FAAH2: variants seen among roughly 807,000 people sequenced by gnomAD.
The protein encoded by FAAH2 is fatty-acid amide hydrolase 2.
A neutral mutation model predicts 36.9 loss-of-function variants in FAAH2; 60 were observed. That is an observed-to-expected ratio of 1.63 (90% CI 1.32 to 2.02). The LOEUF is 2.02. Among genes scored for constraint, FAAH2 ranks in the 30% most tolerant of loss-of-function variants. The pLI is 0.00. For missense variants in FAAH2, 689 were observed against 397.5 expected, an observed-to-expected ratio of 1.73 and a Z score of -6.23; for synonymous variants, 214 against 143.8, an observed-to-expected ratio of 1.49 and a Z score of -3.49.
intron 10 of FAAH2, among the ~76,000 whole-genome samples, chrX:57,466,128 A>ATCTCTC (rs66516710): frequency 3.6e-3 from 253 of 70,791 alleles, no homozygotes; most frequent in African/African-American, 0.011. Context: ...TTGTTGGATT[A>ATCTCTC]TCTCTCTCTC....
intron 8 of FAAH2, among the ~76,000 whole-genome samples, chrX:57,444,316 C>T (rs891643114): frequency 6.3e-5 from 7 of 111,946 alleles, no homozygotes; most frequent in Non-Finnish European, 1.1e-4. Context: ...TGGCGGATGC[C>T]CCTCCCCCAG....
rs763470318 is a variant in FAAH2 at position 57,464,389 on chromosome X, A to G, written c.1423+15671A>G. On this transcript the variant is annotated intron_variant, in intron 10 of 10. Transcript: ENST00000374900. ...GTATACCTATGTAACAAACCTGCAC[A>G]TTCATCACATGCATCCCAGAACTTA... 8.1e-5 allele frequency among the ~76,000 whole-genome samples: 9 copies of G among 110,808 alleles called. No homozygotes were observed. The South Asian group carries it at 2.7e-3, about 33-fold the overall frequency.
At chrX:57,381,412 A>C (rs1255081450) in intron 7 of FAAH2, 1 of 204,508 alleles carries the variant, frequency 4.9e-6, no homozygotes, top group East Asian at 2.5e-4. Flanking sequence ...ATACTTTTAT[A>C]ATCAGATGAA....
chrX:57,352,067 CACATATATATAT>C (rs2054024295), intron 5 of FAAH2, among the ~76,000 whole-genome samples: 9 of 6,823 alleles, frequency 1.3e-3, no homozygotes, highest in African/African-American at 2.8e-4. Context: ...TATATATATA[CACATATATATAT>C]GTGTATATAT....
intron 10 of FAAH2, among the ~76,000 whole-genome samples, chrX:57,464,796 A>G (rs1253270046): frequency 9.0e-6 from 1 of 111,514 alleles, no homozygotes; most frequent in Admixed American, 9.6e-5. Context: ...GCATCATACA[A>G]TTTACTCAAG....
rs891680632 is a variant in FAAH2 at position 57,388,085 on chromosome X, A to T, written c.996+7056A>T. On this transcript the variant is annotated intron_variant, in intron 7 of 10. Transcript: ENST00000374900. ...ATGTTAAGGTTCTCCTGTCAGAATA[A>T]ATAGCCAAGAAGAAATGAAAACTTT... Among the ~76,000 whole-genome samples, 3 of 111,685 alleles carry T rather than the reference A, an allele frequency of 2.7e-5. No homozygotes were observed. The Admixed American group carries it at 2.9e-4, about 11-fold the overall frequency.
chrX:57,329,038 A>G (rs1223534653), intron 3 of FAAH2, among the ~76,000 whole-genome samples: 1 of 112,043 alleles, frequency 8.9e-6, no homozygotes, highest in African/African-American at 3.2e-5. Context: ...GGGCTCTGGC[A>G]GCAGTATCTG....
At chrX:57,379,530 C>T (rs889119384) in intron 6 of FAAH2, among the ~76,000 whole-genome samples, 2 of 82,089 alleles carry the variant, frequency 2.4e-5, no homozygotes, top group Middle Eastern at 9.0e-3. Context: ...CTGTCTCTCT[C>T]GCTCTCTCTC....
chrX:57,270,383 C>T, the FAAH2 span, among the ~76,000 whole-genome samples: 1 of 111,901 alleles, frequency 8.9e-6, no homozygotes. Flanking sequence ...CAGCATCATC[C>T]TGATAGCAAA....
chrX:57,403,327 A>T (rs1316856718), intron 7 of FAAH2, among the ~76,000 whole-genome samples: 1 of 112,089 alleles, frequency 8.9e-6, no homozygotes, highest in Non-Finnish European at 1.9e-5. Context: ...TGCTTATTGG[A>T]TTAGTTACGC....
chrX:57,423,748 C>T (rs1242720027), intron 7 of FAAH2, among the ~76,000 whole-genome samples: 4 of 111,423 alleles, frequency 3.6e-5, no homozygotes, highest in Non-Finnish European at 7.5e-5. Flanking sequence ...ATGGACTTGC[C>T]TAGCCCAGTC....
the FAAH2 span, among the ~76,000 whole-genome samples, chrX:57,255,597 C>T: frequency 5.4e-5 from 6 of 111,891 alleles, no homozygotes; most frequent in Non-Finnish European, 9.4e-5. Flanking sequence ...AGGCTTCATT[C>T]CTGGGATGCA....
At chrX:57,353,561 A>G (rs1253671861) in intron 5 of FAAH2, among the ~76,000 whole-genome samples, 1 of 109,496 alleles carries the variant, frequency 9.1e-6, no homozygotes, top group African/African-American at 3.3e-5. Context: ...ATACTTTATG[A>G]CTAAGACCAC....
chrX:57,332,446 A>G (rs893739902), intron 4 of FAAH2, among the ~76,000 whole-genome samples: 6 of 112,343 alleles, frequency 5.3e-5, no homozygotes, highest in Non-Finnish European at 1.1e-4. Context: ...GACAATTCTT[A>G]AATTTATCAA....
chrX:57,146,804 C>T, the FAAH2 span, among the ~76,000 whole-genome samples: 4 of 111,834 alleles, frequency 3.6e-5, no homozygotes, highest in Non-Finnish European at 7.5e-5. Context: ...AATGCTTTTT[C>T]TTCATCTATT....
the FAAH2 span, chrX:57,137,203 G>T: frequency 1.3e-6 from 1 of 759,715 alleles, no homozygotes; most frequent in South Asian, 6.5e-5. Flanking sequence ...TAATGGCCTT[G>T]CCCTGCCTGG....
chrX:57,328,039 G>C (rs746765147), intron 3 of FAAH2, among the ~76,000 whole-genome samples: 3 of 112,011 alleles, frequency 2.7e-5, no homozygotes, highest in African/African-American at 9.7e-5. Flanking sequence ...CTTTTTATTT[G>C]TTAGTTTTCC....
chrX:57,412,056 T>A (rs930773433), intron 7 of FAAH2, among the ~76,000 whole-genome samples: 8 of 111,804 alleles, frequency 7.2e-5, no homozygotes, highest in Non-Finnish European at 1.3e-4. Flanking sequence ...AATAGTCAAA[T>A]CTAGTAATTG....
chrX:57,378,743 CTGGCCCCCATGTTGAAGGTCA>C lies in FAAH2; in HGVS notation c.840_860del (p.Pro281_Ala287del). ...TCCTATGTGCCGTTATGCTGAAGACCTGGCCCCCATGTTGAAGGTCATGGCAGGACCTGGGATCAAAAGGTA... is the reference window on the plus strand; with the variant it reads ...TCCTATGTGCCGTTATGCTGAAGACCTGGCAGGACCTGGGATCAAAAGGTA... On this transcript the variant is annotated inframe_deletion, in exon 6 of 11. Transcript: ENST00000374900. 8.3e-7 allele frequency: 1 copy of C among 1,210,758 alleles called. No individual in the cohort carries two copies. Among genetic ancestry groups the C allele is most frequent in the Non-Finnish European group, 1.1e-6 (1 of 895,020 alleles).
Sources: gnomAD v4.1 joint callset for allele counts (sites outside exome capture counted in the v4.1 genomes callset) on GRCh38, gnomAD v4.1.1 for gene constraint, MANE v1.5 for transcripts, NCBI Gene and HGNC (gene_info 2026-07-23, HGNC 2026-07-21) for gene names.